The following SLIT3 variants were observed in gnomAD, a reference collection of about 807,000 sequenced individuals.
The protein encoded by SLIT3 is slit guidance ligand 3.
SLIT3 carries 68 observed loss-of-function variants against 184.0 expected under a neutral mutation model. That is an observed-to-expected ratio of 0.37 (90% CI 0.30 to 0.45). The LOEUF (loss-of-function observed/expected upper bound fraction) is 0.45. SLIT3 is among the 20% of genes least tolerant of loss of function. The pLI is 1.00. For synonymous variants in SLIT3, 831 were observed against 828.6 expected (o/e 1.00, Z -0.05); for missense variants, 1,707 against 2,026.0 (o/e 0.84, Z 3.02).
At chr5:169,027,524 C>G (rs766566241) in intron 4 of SLIT3, among the ~76,000 whole-genome samples, 1 of 152,160 alleles carries the variant, frequency 6.6e-6, no homozygotes, top group Non-Finnish European at 1.5e-5. Context: ...CAATGGCTTT[C>G]CCCGCTTCCT....
intron 4 of SLIT3, among the ~76,000 whole-genome samples, chr5:169,091,571 A>C (rs917647817): frequency 6.6e-6 from 1 of 152,234 alleles, no homozygotes; most frequent in African/African-American, 2.4e-5. Flanking sequence ...TAACGAAAGG[A>C]TAAGCTACCT....
chr5:168,743,516 C>T (rs190975403), intron 20 of SLIT3, among the ~76,000 whole-genome samples: 29 of 152,290 alleles, frequency 1.9e-4, no homozygotes, highest in Admixed American at 1.4e-3. Context: ...GACTGCTTTA[C>T]CAACTAGCTG....
intron 16 of SLIT3, among the ~76,000 whole-genome samples, chr5:168,755,690 C>T (rs1754922305): frequency 6.6e-6 from 1 of 152,132 alleles, no homozygotes; most frequent in South Asian, 2.1e-4. Context: ...CCCACCTTGG[C>T]CTCCCAAAGT....
At chr5:169,250,017 T>A (rs776025543) in intron 2 of SLIT3, among the ~76,000 whole-genome samples, 1 of 152,262 alleles carries the variant, frequency 6.6e-6, no homozygotes, top group Non-Finnish European at 1.5e-5. Context: ...ATGGGTAGAC[T>A]ATCATTGTCT....
intron 3 of SLIT3, among the ~76,000 whole-genome samples, chr5:169,239,206 A>G (rs1221335457): frequency 6.6e-6 from 1 of 152,206 alleles, no homozygotes; most frequent in Non-Finnish European, 1.5e-5. Flanking sequence ...TGGTTGGAAT[A>G]TATTATCCTT....
At chr5:169,225,031 C>G (rs1764756094) in intron 3 of SLIT3, among the ~76,000 whole-genome samples, 1 of 152,130 alleles carries the variant, frequency 6.6e-6, no homozygotes, top group Non-Finnish European at 1.5e-5. Flanking sequence ...CACTTAAAAT[C>G]TATATATTTT....
At chr5:169,090,929 A>G (rs1157882391) in intron 4 of SLIT3, among the ~76,000 whole-genome samples, 1 of 152,202 alleles carries the variant, frequency 6.6e-6, no homozygotes, top group Non-Finnish European at 1.5e-5. Context: ...AAGTCTGTGT[A>G]TTGTGCTCCT....
Position 168,890,930 on chromosome 5 carries a change from C to T in SLIT3, c.414-7594G>A, listed in dbSNP as rs111566877. Reference sequence around the variant, plus strand: ...ACCATGGGTGGAATGATGATTGCATCGGATTAGGTGCTAAGTTCACATCCC... The same window carrying T: ...ACCATGGGTGGAATGATGATTGCATTGGATTAGGTGCTAAGTTCACATCCC... On this transcript the variant is annotated intron_variant, in intron 4 of 35. Transcript: ENST00000519560. Among the ~76,000 whole-genome samples the T allele has an allele frequency of 2.0e-4, 30 of 152,258 alleles. 3 individuals are homozygous for T. The highest frequency in any genetic ancestry group is 5.3e-4 in the African/African-American group (22 of 41,548).
chr5:168,723,946 C>T (rs1283215651), intron 21 of SLIT3, among the ~76,000 whole-genome samples: 5 of 152,150 alleles, frequency 3.3e-5, no homozygotes, highest in Non-Finnish European at 7.3e-5. Context: ...GGCACTTGTG[C>T]TCCCTCAGTG....
At chr5:168,954,634 T>G (rs946677581) in intron 4 of SLIT3, among the ~76,000 whole-genome samples, 2 of 152,198 alleles carry the variant, frequency 1.3e-5, no homozygotes, top group African/African-American at 4.8e-5. Flanking sequence ...ATGTAGCCTT[T>G]CCAACGTCAT....
intron 1 of SLIT3, among the ~76,000 whole-genome samples, chr5:169,262,629 C>T (rs1766231561): frequency 6.6e-6 from 1 of 152,156 alleles, no homozygotes; most frequent in Non-Finnish European, 1.5e-5. Context: ...AGCCTCATTC[C>T]CCTGCCATCA....
chr5:169,293,773 C>G (rs1405330902), intron 1 of SLIT3, among the ~76,000 whole-genome samples: 1 of 152,130 alleles, frequency 6.6e-6, no homozygotes, highest in African/African-American at 2.4e-5. Flanking sequence ...CAATTTTTTT[C>G]CAGGGTTTCA....
intron 4 of SLIT3, among the ~76,000 whole-genome samples, chr5:168,947,383 A>G (rs7712757): frequency 0.49 from 74,438 of 151,942 alleles, 20,071 homozygotes; most frequent in African/African-American, 0.73. Flanking sequence ...AGGGAGAGCC[A>G]CCGTCTGCCG....
intron 4 of SLIT3, among the ~76,000 whole-genome samples, chr5:169,081,909 G>C (rs1759077148): frequency 6.6e-6 from 1 of 152,166 alleles, no homozygotes; most frequent in South Asian, 2.1e-4. Context: ...GCACAGAGGG[G>C]CTAAGTGATT....
intron 23 of SLIT3, among the ~76,000 whole-genome samples, chr5:168,716,567 G>C (rs1421260527): frequency 6.6e-6 from 1 of 152,288 alleles, no homozygotes; most frequent in Non-Finnish European, 1.5e-5. Flanking sequence ...TACCCACATA[G>C]GGTAGAAGCC....
chr5:169,300,761 G>C lies in SLIT3; in HGVS notation c.-52C>G. 10 of 1,266,690 alleles carry C rather than the reference G, an allele frequency of 7.9e-6. No individual in the cohort carries two copies. The highest frequency in any genetic ancestry group is 9.9e-6 in the Non-Finnish European group (10 of 1,008,874). The allele number at this position is 1,266,690 out of a possible 1,614,324, so 78.5% of individuals were successfully genotyped here. A position where few individuals can be genotyped will look rare whatever the true frequency, so the allele number is the denominator to read the frequency against. On this transcript the variant is annotated 5_prime_UTR_variant, in exon 1 of 36. Transcript: ENST00000519560. This position sits in a 1 kb window ranked among gnomAD's most constrained non-coding sequence, Gnocchi z 4.1. ...AGGCTGCCTCTGCGGGGCAAGACGC[G>C]TGGAGCCCGAGGAGGCGCGCGGGGA... is the stretch of plus-strand genomic sequence containing the variant.
At chr5:168,823,439 C>A in intron 6 of SLIT3, 108 bp from the exon 7 acceptor site, 1 of 809,314 alleles carries the variant, frequency 1.2e-6, no homozygotes, top group South Asian at 1.3e-5. Flanking sequence ...GACCATGAGT[C>A]AACAGTCATG....
chr5:168,946,143 A>ACAT (rs1436360211), intron 4 of SLIT3, among the ~76,000 whole-genome samples: 8 of 152,296 alleles, frequency 5.3e-5, no homozygotes, highest in African/African-American at 1.9e-4. Flanking sequence ...GTTTTCAATG[A>ACAT]GGCTGGGATT....
intron 9 of SLIT3, among the ~76,000 whole-genome samples, chr5:168,803,777 C>A (rs1392843302): frequency 6.6e-6 from 1 of 151,888 alleles, no homozygotes; most frequent in Admixed American, 6.6e-5. Flanking sequence ...TAAGGTAGGG[C>A]AGGGAAGGAA....
Sources: gnomAD v4.1 joint callset for allele counts (sites outside exome capture counted in the v4.1 genomes callset) on GRCh38, gnomAD v4.1.1 for gene constraint, Gnocchi (gnomAD v3.1) non-coding constraint, MANE v1.5 for transcripts, NCBI Gene and HGNC (gene_info 2026-07-23, HGNC 2026-07-21) for gene names.